The following ZNF17 variants were observed in gnomAD, a reference collection of about 807,000 sequenced individuals.
The protein encoded by ZNF17 is zinc finger protein 17, also known as zinc finger protein 17 (HPF3, KOX 10).
A neutral mutation model predicts 7.7 loss-of-function variants in ZNF17; 4 were observed. The ratio of observed to expected loss-of-function variants is 0.52; its 90% CI spans 0.26 to 1.20. ZNF17 has a LOEUF of 1.20. Among genes scored for constraint, ZNF17 ranks in the 50% most tolerant of loss-of-function variants. The probability of loss-of-function intolerance (pLI) is 0.14; values close to 1 mark genes in which losing one functional copy is unlikely to be tolerated. For missense variants in ZNF17, 738 were observed against 799.5 expected, an observed-to-expected ratio of 0.92 and a Z score of 0.93; for synonymous variants, 249 against 258.8, an observed-to-expected ratio of 0.96 and a Z score of 0.36.
Position 57,411,244 on chromosome 19 carries a change from A to G in ZNF17, c.-183A>G. 8.3e-7 allele frequency: 1 copy of G among 1,200,612 alleles called. No homozygotes were observed. The highest frequency in any genetic ancestry group is 1.5e-5 in the African/African-American group (1 of 65,286). 74.4% of individuals were successfully genotyped at this position (1,200,612 alleles called of 1,614,324 possible). A position where few individuals can be genotyped will look rare whatever the true frequency, so the allele number is the denominator to read the frequency against. On this transcript the variant is annotated 5_prime_UTR_variant, in exon 1 of 4. Coordinates refer to ENST00000307658, the MANE Select transcript of ZNF17 (RefSeq NM_001330617.2). Reference sequence around the variant, plus strand: ...AGTCGAGACTGAGGTGAAAAAGCGGAAAAACGCGAGAAAAGGTTTCCCCGT... The same window carrying G: ...AGTCGAGACTGAGGTGAAAAAGCGGGAAAACGCGAGAAAAGGTTTCCCCGT...
Position 57,411,296 on chromosome 19 carries a change from T to C in ZNF17, c.-131T>C, listed in dbSNP as rs4801480. The C allele has an allele frequency of 0.95, 1,463,018 of 1,534,898 alleles. 697,880 individuals are homozygous for C. The highest frequency in any genetic ancestry group is 0.99 in the African/African-American group (72,741 of 73,472). The stretch of plus-strand genomic sequence containing the variant: ...GTACAGAGGCTAGAGTGAGGCTCGG[T>C]TGAATCGGTTGCAGGCGTTGGTGCC... On this transcript the variant is annotated 5_prime_UTR_variant, in exon 1 of 4. Transcript: ENST00000307658.
chr19:57,416,080 T>C (rs561686932), intron 2 of ZNF17, among the ~76,000 whole-genome samples: 7 of 151,738 alleles, frequency 4.6e-5, no homozygotes, highest in African/African-American at 1.7e-4. Context: ...TCAAAGGAGG[T>C]GTGCAAGAAT....
At chr19:57,412,443 AAAAC>A (rs2088783399) in intron 1 of ZNF17, among the ~76,000 whole-genome samples, 1 of 110,968 alleles carries the variant, frequency 9.0e-6, no homozygotes, top group African/African-American at 3.4e-5. Context: ...ATGAATGTGT[AAAAC>A]ATTTTTTTTT....
chr19:57,416,759 C>G (rs918641895), intron 2 of ZNF17, among the ~76,000 whole-genome samples: 2 of 152,084 alleles, frequency 1.3e-5, no homozygotes, highest in Non-Finnish European at 2.9e-5. Context: ...CTACCTGCCT[C>G]AGCCTCCCAA....
At chr19:57,414,291 C>T (rs2088797376) in intron 2 of ZNF17, among the ~76,000 whole-genome samples, 1 of 151,914 alleles carries the variant, frequency 6.6e-6, no homozygotes, top group Non-Finnish European at 1.5e-5. Flanking sequence ...CCTCGGCCCT[C>T]CCAAGGTGCT....
chr19:57,416,787 C>T (rs1351084522), intron 2 of ZNF17, among the ~76,000 whole-genome samples: 1 of 151,680 alleles, frequency 6.6e-6, no homozygotes, highest in Non-Finnish European at 1.5e-5. Flanking sequence ...GGATTAGAGG[C>T]ATGAGCCACC....
chr19:57,416,457 AG>A (rs2088811874), intron 2 of ZNF17, among the ~76,000 whole-genome samples: 1 of 152,088 alleles, frequency 6.6e-6, no homozygotes, highest in South Asian at 2.1e-4. Context: ...GGGTGACTCT[AG>A]GGAAATTGAG....
chr19:57,413,693 A>G, intron 2 of ZNF17, 57 bp downstream of exon 2: 3 of 1,524,626 alleles, frequency 2.0e-6, no homozygotes, highest in South Asian at 1.2e-5. Context: ...GCATGCTGAT[A>G]TAGGGAATGG....
intron 2 of ZNF17, 34 bp downstream of exon 2, chr19:57,413,670 C>A: frequency 6.5e-7 from 1 of 1,535,608 alleles, no homozygotes; most frequent in Non-Finnish European, 8.7e-7. Flanking sequence ...TTCACCCATC[C>A]CAGATGGTTT....
intron 2 of ZNF17, among the ~76,000 whole-genome samples, chr19:57,414,815 A>G (rs950231834): frequency 3.3e-5 from 5 of 150,218 alleles, no homozygotes; most frequent in Non-Finnish European, 5.9e-5. Context: ...GGTTCACGCC[A>G]TTCTCCTGCC....
At chr19:57,413,543 C>A (rs929892448) in intron 1 of ZNF17, 53 bp from the exon 2 acceptor site, 107 of 1,531,010 alleles carry the variant, frequency 7.0e-5, no homozygotes, top group Non-Finnish European at 9.1e-5. Context: ...TACAGTCAGC[C>A]TGTAGGATGC....
Position 57,421,627 on chromosome 19 carries a change from T to A in ZNF17, c.*146T>A, listed in dbSNP as rs1383977447. On this transcript the variant is annotated 3_prime_UTR_variant, in exon 4 of 4. Transcript: ENST00000307658. Reference sequence around the variant, plus strand: ...ATCTTAACCATGTTAAAGTGTATAGTTCAGTACTGTTAAGTCATTCACATT... The same window carrying A: ...ATCTTAACCATGTTAAAGTGTATAGATCAGTACTGTTAAGTCATTCACATT... 4.5e-6 allele frequency: 4 copies of A among 890,532 alleles called. No individual in the cohort carries two copies. Among genetic ancestry groups the A allele is most frequent in the Non-Finnish European group, 6.6e-6 (4 of 604,556 alleles). 55.2% of individuals were successfully genotyped at this position (890,532 alleles called of 1,614,324 possible). A position where few individuals can be genotyped will look rare whatever the true frequency, so the allele number is the denominator to read the frequency against.
Position 57,417,988 on chromosome 19 carries a change from A to G in ZNF17, c.98A>G (p.His33Arg). 7 of 1,614,130 alleles carry G rather than the reference A, an allele frequency of 4.3e-6. No individual in the cohort carries two copies. Among genetic ancestry groups the G allele is most frequent in the Non-Finnish European group, 5.1e-6 (6 of 1,180,018 alleles). Residue 33 changes from histidine to arginine, a missense_variant, in exon 3 of 4, where the codon CAC (histidine) becomes CGC (arginine). By Grantham distance (29) the His-to-Arg change is conservative. Transcript: ENST00000307658. ...EWGILNDVQRHLHSDVMLENF... is the reference protein window; with the variant it reads ...EWGILNDVQRRLHSDVMLENF... ...GGAATTCTTAATGACGTTCAGAGAC[A>G]CCTGCACAGCGATGTGATGCTGGAG... is the stretch of plus-strand genomic sequence containing the variant.
At position 57,420,118 on chromosome 19, in the gene ZNF17, A is replaced by G; in HGVS notation, c.632A>G (p.Gln211Arg). The change falls in exon 4 of 4, where the codon CAG becomes CGG. Residue 211 changes from glutamine to arginine, a missense_variant. This residue lies in a region of ZNF17 where 616 missense variants were observed against 663.9 expected (regional missense o/e 0.93). Coordinates refer to ENST00000307658, the MANE Select transcript of ZNF17 (RefSeq NM_001330617.2). Reference sequence around the variant, plus strand: ...CACCAACATACACTGTTTGAGCACCAGAAAATCCACACAGAGGAAAGGCCT... The same window carrying G: ...CACCAACATACACTGTTTGAGCACCGGAAAATCCACACAGAGGAAAGGCCT... ...FCHQHTLFEH[Q>R]KIHTEERPYE... 6.2e-7 allele frequency: 1 copy of G among 1,614,242 alleles called. No individual in the cohort carries two copies. The highest frequency in any genetic ancestry group is 8.5e-7 in the Non-Finnish European group (1 of 1,180,044).
At chr19:57,411,577 C>CGCA (rs1308020230) in intron 1 of ZNF17, 171 bp downstream of exon 1, 1 of 1,429,010 alleles carries the variant, frequency 7.0e-7, no homozygotes, top group Admixed American at 2.8e-5. Context: ...GGGACCTGCA[C>CGCA]GTGCGAGGCT....
rs777125077 is a variant in ZNF17, at chr19:57,419,926, G to A, written c.440G>A (p.Arg147Lys). 6.8e-6 allele frequency: 11 copies of A among 1,614,214 alleles called. No homozygotes were observed. The highest frequency in any genetic ancestry group is 9.3e-6 in the Non-Finnish European group (11 of 1,180,038). Residue 147 changes from arginine (R) to lysine (K), a missense_variant, in exon 4 of 4, where the codon AGG becomes AAG. By Grantham distance (26) the Arg-to-Lys change is conservative. Coordinates refer to ENST00000307658, the MANE Select transcript of ZNF17 (RefSeq NM_001330617.2). Reference protein sequence around the residue: ...FVNDSVHLAKRNLTCMQGGKD... With the variant: ...FVNDSVHLAKKNLTCMQGGKD... The stretch of plus-strand genomic sequence containing the variant: ...AATGACAGTGTTCACCTGGCAAAGA[G>A]GAACCTCACATGCATGCAGGGTGGC...
intron 1 of ZNF17, 177 bp from the exon 2 acceptor site, chr19:57,413,419 A>T: frequency 1.7e-6 from 1 of 604,414 alleles, no homozygotes; most frequent in South Asian, 2.0e-5. Flanking sequence ...TCTATTTTAC[A>T]CATAAGGGCA....
At chr19:57,413,528 G>A in intron 1 of ZNF17, 68 bp from the exon 2 acceptor site, 1 of 1,512,344 alleles carries the variant, frequency 6.6e-7, no homozygotes, top group Non-Finnish European at 8.9e-7. Flanking sequence ...GGCCAGAGGT[G>A]GTTGTACAGT....
In ZNF17 at chr19:57,419,801, CG is replaced by C. The variant is rs1424739891; in HGVS notation, c.317del (p.Gly106GlufsTer33). On this transcript the variant is annotated frameshift_variant, in exon 4 of 4. Coordinates refer to ENST00000307658, the MANE Select transcript of ZNF17 (RefSeq NM_001330617.2). LOFTEE classifies it low-confidence loss of function (END_TRUNC). ...KDILHLAEHD[G>X]THPKRTAKLY... ...ACATTCTACACCTGGCTGAGCATGA[CG>C]GAACACACCCCAAGCGTACAGCCAA... 2 of 1,614,168 alleles carry C rather than the reference CG, an allele frequency of 1.2e-6. No homozygotes were observed.
Sources: allele counts gnomAD v4.1 joint callset (sites outside exome capture counted in the v4.1 genomes callset), GRCh38; gene constraint gnomAD v4.1.1; regional missense constraint gnomAD v4.1.1; transcripts MANE v1.5; gene names NCBI Gene and HGNC (gene_info 2026-07-23, HGNC 2026-07-21).